Variants in NAALADL2 observed in about 807,000 individuals in gnomAD.
The protein encoded by NAALADL2 is inactive N-acetylated-alpha-linked acidic dipeptidase-like protein 2.
Under a neutral mutation model 87.2 loss-of-function variants are expected in NAALADL2, and 76 were observed. The ratio of observed to expected loss-of-function variants is 0.87; its 90% CI spans 0.72 to 1.05. NAALADL2 has a LOEUF of 1.05. NAALADL2 is among the 50% of genes least tolerant of loss of function. NAALADL2 has a pLI of 0.00. For synonymous variants in NAALADL2, 354 were observed against 331.0 expected (o/e 1.07, Z -0.75); for missense variants, 1,089 against 945.8 (o/e 1.15, Z -1.99).
At position 174,829,097 on chromosome 3, in the gene NAALADL2, T is replaced by G. The variant is rs73174765; in HGVS notation, c.-9+91351T>G. Among the ~76,000 whole-genome samples the G allele has an allele frequency of 5.2e-3, 777 of 150,374 alleles. 2 individuals are homozygous for G. The highest frequency in any genetic ancestry group is 0.02 in the Middle Eastern group (6 of 294). On this transcript the variant is annotated intron_variant, in intron 3 of 3. Coordinates refer to the NAALADL2 transcript ENST00000434257. ...GGTTCAGGTATTACATCTGTTTTTT[T>G]TTGTTGTTGTTGTTGTTGTTGTTGT...
chr3:174,839,925 C>A (rs753817897), intron 3 of NAALADL2, among the ~76,000 whole-genome samples: 5 of 152,004 alleles, frequency 3.3e-5, no homozygotes, highest in Non-Finnish European at 2.9e-5. Flanking sequence ...AGTACAATTA[C>A]TATGGAAAAC....
intron 10 of NAALADL2, among the ~76,000 whole-genome samples, chr3:175,604,806 T>C (rs1431013059): frequency 2.0e-5 from 3 of 152,168 alleles, no homozygotes; most frequent in Non-Finnish European, 4.4e-5. Flanking sequence ...CCTTATCAGG[T>C]ATCCATTTTA....
chr3:175,515,117 G>T (rs1731661377), intron 9 of NAALADL2, among the ~76,000 whole-genome samples: 1 of 152,132 alleles, frequency 6.6e-6, no homozygotes, highest in Non-Finnish European at 1.5e-5. Context: ...TCTGTGTCAT[G>T]GTGTTTGATC....
intron 3 of NAALADL2, among the ~76,000 whole-genome samples, chr3:174,805,416 C>T (rs1023997514): frequency 1.1e-4 from 16 of 151,984 alleles, no homozygotes; most frequent in African/African-American, 3.1e-4. Flanking sequence ...TGTAGCACAT[C>T]GAAATATGAA....
At chr3:174,980,908 G>A (rs1012668343) in intron 1 of NAALADL2, among the ~76,000 whole-genome samples, 1 of 152,066 alleles carries the variant, frequency 6.6e-6, no homozygotes, top group Non-Finnish European at 1.5e-5. Context: ...TTTTTAAGAA[G>A]CTGCAGTTCT....
chr3:175,098,232 C>T (rs976324606), intron 2 of NAALADL2, among the ~76,000 whole-genome samples: 1 of 152,112 alleles, frequency 6.6e-6, no homozygotes, highest in African/African-American at 2.4e-5. Context: ...CAACACTTTT[C>T]ATGATACTTC....
At chr3:175,599,424 A>C (rs1722666865) in intron 10 of NAALADL2, among the ~76,000 whole-genome samples, 1 of 152,178 alleles carries the variant, frequency 6.6e-6, no homozygotes, top group African/African-American at 2.4e-5. Flanking sequence ...TTTCTTTGAA[A>C]GTTTAAGTAG....
intron 1 of NAALADL2, among the ~76,000 whole-genome samples, chr3:175,034,986 T>C (rs1003724448): frequency 5.3e-5 from 8 of 152,338 alleles, no homozygotes; most frequent in African/African-American, 1.7e-4. Flanking sequence ...TGTCCAGAAG[T>C]ATTTCTGGCA....
chr3:175,234,755 G>T (rs1277458733), intron 3 of NAALADL2: 2 of 152,096 alleles, frequency 1.3e-5, no homozygotes, highest in African/African-American at 4.8e-5. Context: ...GTGGTTAAGT[G>T]CAAGGCTTCT....
At chr3:175,430,927 T>C (rs1717644910) in intron 5 of NAALADL2, among the ~76,000 whole-genome samples, 1 of 152,090 alleles carries the variant, frequency 6.6e-6, no homozygotes, top group South Asian at 2.1e-4. Context: ...GATATAGGTA[T>C]AATGCTGAAT....
intron 9 of NAALADL2, among the ~76,000 whole-genome samples, chr3:175,518,721 C>T (rs1732227577): frequency 6.6e-6 from 1 of 152,116 alleles, no homozygotes; most frequent in East Asian, 1.9e-4. Flanking sequence ...ATAACCCATT[C>T]ATCTATTAAC....
At chr3:175,504,192 C>T (rs1729948015) in intron 9 of NAALADL2, among the ~76,000 whole-genome samples, 1 of 152,060 alleles carries the variant, frequency 6.6e-6, no homozygotes, top group Non-Finnish European at 1.5e-5. Flanking sequence ...CTTTCTATTG[C>T]TTGCTTTTGT....
intron 9 of NAALADL2, among the ~76,000 whole-genome samples, chr3:175,510,547 T>A (rs1464890234): frequency 6.6e-6 from 1 of 152,152 alleles, no homozygotes; most frequent in Non-Finnish European, 1.5e-5. Context: ...TGGAAATGTT[T>A]TAAAAAAATA....
At chr3:175,727,119 C>T (rs1743042486) in intron 11 of NAALADL2, among the ~76,000 whole-genome samples, 1 of 152,026 alleles carries the variant, frequency 6.6e-6, no homozygotes, top group African/African-American at 2.4e-5. Context: ...CAAGTGGTCC[C>T]GAGAGCCTTT....
intron 5 of NAALADL2, among the ~76,000 whole-genome samples, chr3:175,346,802 G>C (rs1212853519): frequency 6.6e-6 from 1 of 152,174 alleles, no homozygotes; most frequent in Non-Finnish European, 1.5e-5. Flanking sequence ...AGCAGAAACT[G>C]TGTTCCTTGT....
chr3:175,182,356 A>G (rs1736689001), intron 2 of NAALADL2, among the ~76,000 whole-genome samples: 1 of 151,576 alleles, frequency 6.6e-6, no homozygotes, highest in Non-Finnish European at 1.5e-5. Context: ...TCTTTTCTCT[A>G]TTAATTGTTT....
chr3:175,731,541 G>A (rs962752715), intron 11 of NAALADL2, among the ~76,000 whole-genome samples: 7 of 152,186 alleles, frequency 4.6e-5, no homozygotes, highest in African/African-American at 1.7e-4. Context: ...GTAAAGGAAA[G>A]TTGTTCTGGT....
chr3:175,764,914 C>T (rs1386201992), intron 13 of NAALADL2, among the ~76,000 whole-genome samples: 1 of 152,046 alleles, frequency 6.6e-6, no homozygotes, highest in Non-Finnish European at 1.5e-5. Flanking sequence ...CCCAAAAGGA[C>T]CTCATGTTCC....
At chr3:175,161,816 G>A (rs183389787) in intron 2 of NAALADL2, among the ~76,000 whole-genome samples, 3 of 152,110 alleles carry the variant, frequency 2.0e-5, no homozygotes, top group Non-Finnish European at 2.9e-5. Context: ...ATGACTTGGC[G>A]GTCTGTGTCT....
Sources: gnomAD v4.1 joint callset for allele counts (sites outside exome capture counted in the v4.1 genomes callset) on GRCh38, gnomAD v4.1.1 for gene constraint, MANE v1.5 for transcripts, NCBI Gene and HGNC (gene_info 2026-07-23, HGNC 2026-07-21) for gene names.